The following NMT2 variants were observed in gnomAD, a reference collection of about 807,000 sequenced individuals.
NMT2 encodes N-myristoyltransferase 2.
In NMT2, 35 loss-of-function variants were observed where a neutral mutation model predicts 65.4. That is an observed-to-expected ratio of 0.54 (90% CI 0.41 to 0.71). NMT2 has a LOEUF of 0.71. Ranked by LOEUF, NMT2 falls within the 30% of genes least tolerant of loss-of-function variation. The probability of loss-of-function intolerance (pLI) is 0.00; values close to 1 mark genes in which losing one functional copy is unlikely to be tolerated. For missense variants in NMT2, 489 were observed against 611.3 expected (o/e 0.80, Z 2.11); for synonymous variants, 226 against 231.8 (o/e 0.98, Z 0.23).
chr10:15,126,686 C>T (rs920712975), intron 8 of NMT2, among the ~76,000 whole-genome samples: 2 of 152,298 alleles, frequency 1.3e-5, no homozygotes, highest in African/African-American at 2.4e-5. Context: ...ATGGATCCTT[C>T]CCTAGTCAAG....
intron 9 of NMT2, among the ~76,000 whole-genome samples, chr10:15,114,688 T>C (rs917503251): frequency 3.3e-5 from 5 of 152,146 alleles, no homozygotes; most frequent in Non-Finnish European, 7.4e-5. Flanking sequence ...GTAGTGAGTA[T>C]AGAAGATCCT....
At chr10:15,139,903 A>G (rs1207230097) in intron 2 of NMT2, 2 of 115,958 alleles carry the variant, frequency 1.7e-5, no homozygotes, top group African/African-American at 7.5e-5. Context: ...ATATATATAT[A>G]TATATATGCA....
At chr10:15,148,080 T>C (rs1847025839) in intron 1 of NMT2, among the ~76,000 whole-genome samples, 1 of 152,244 alleles carries the variant, frequency 6.6e-6, no homozygotes, top group African/African-American at 2.4e-5. Context: ...TGGCCAGGAC[T>C]GCAGGCATTA....
chr10:15,127,556 A>AAAAAT (rs1564568293), intron 8 of NMT2, among the ~76,000 whole-genome samples: 1 of 78,724 alleles, frequency 1.3e-5, no homozygotes, highest in African/African-American at 1.4e-4. Context: ...CAAAAAAAAA[A>AAAAAT]AAAAAAAAAA....
chr10:15,108,567 T>TA lies in NMT2; in HGVS notation c.*627dup, dbSNP rs1282437785. ...TCCACTGACCTGGTAAAGATCAAAGTACAAACTTGCATGTTTATTGATTCG... is the reference window on the plus strand; with the variant it reads ...TCCACTGACCTGGTAAAGATCAAAGTAACAAACTTGCATGTTTATTGATTCG... On this transcript the variant is annotated 3_prime_UTR_variant, in exon 12 of 12. Transcript: ENST00000378165. 7 of 985,970 alleles carry TA rather than the reference T, an allele frequency of 7.1e-6. No homozygotes were observed. The African/African-American group carries it at 1.2e-4, about 17-fold the overall frequency. The allele number at this position is 985,970 out of a possible 1,614,324, so 61.1% of individuals were successfully genotyped here. A position where few individuals can be genotyped will look rare whatever the true frequency, so the allele number is the denominator to read the frequency against.
intron 8 of NMT2, among the ~76,000 whole-genome samples, chr10:15,122,432 T>A (rs1845956176): frequency 1.3e-5 from 2 of 152,064 alleles, no homozygotes; most frequent in African/African-American, 4.8e-5. Flanking sequence ...TCTTTTTTTT[T>A]TTTGAGATGG....
At chr10:15,157,384 A>G (rs1016667035) in intron 1 of NMT2, among the ~76,000 whole-genome samples, 1 of 152,210 alleles carries the variant, frequency 6.6e-6, no homozygotes, top group Non-Finnish European at 1.5e-5. Context: ...GGCTGCAGCA[A>G]TGGGGTACAA....
intron 8 of NMT2, among the ~76,000 whole-genome samples, chr10:15,121,764 G>A (rs7896453): frequency 1.6e-3 from 239 of 152,290 alleles, no homozygotes; most frequent in African/African-American, 5.2e-3. Flanking sequence ...ATTGATTATC[G>A]ATTAGCTGGG....
intron 9 of NMT2, 120 bp downstream of exon 9, chr10:15,119,223 T>C: frequency 1.1e-6 from 1 of 870,652 alleles, no homozygotes; most frequent in South Asian, 1.6e-5. Flanking sequence ...TACCCTTTAG[T>C]ACACATCTTT....
chr10:15,124,993 C>T (rs1021610673), intron 8 of NMT2, among the ~76,000 whole-genome samples: 1 of 151,972 alleles, frequency 6.6e-6, no homozygotes, highest in Non-Finnish European at 1.5e-5. Flanking sequence ...GCCATGGTGT[C>T]CCCATAGTGG....
At chr10:15,167,777 G>C (rs774261013) in intron 1 of NMT2, among the ~76,000 whole-genome samples, 3 of 152,220 alleles carry the variant, frequency 2.0e-5, no homozygotes, top group Non-Finnish European at 4.4e-5. Flanking sequence ...GTGAAAATGC[G>C]TGGTGCATCG....
At chr10:15,152,080 T>C (rs960718619) in intron 1 of NMT2, among the ~76,000 whole-genome samples, 4 of 152,168 alleles carry the variant, frequency 2.6e-5, no homozygotes, top group Admixed American at 6.5e-5. Flanking sequence ...AGAAATGAGA[T>C]AGCTTGATCC....
intron 1 of NMT2, among the ~76,000 whole-genome samples, chr10:15,156,130 T>C (rs1832990219): frequency 6.6e-6 from 1 of 152,126 alleles, no homozygotes; most frequent in Non-Finnish European, 1.5e-5. Flanking sequence ...TTTGGGTGTG[T>C]CCCCATCCAA....
chr10:15,139,271 T>G (rs1846638153), intron 2 of NMT2, among the ~76,000 whole-genome samples: 2 of 151,142 alleles, frequency 1.3e-5, no homozygotes, highest in African/African-American at 4.9e-5. Context: ...TATCTATCTA[T>G]CTATCTATCT....
chr10:15,166,743 G>T (rs540833250), intron 1 of NMT2, among the ~76,000 whole-genome samples: 1 of 152,162 alleles, frequency 6.6e-6, no homozygotes, highest in Non-Finnish European at 1.5e-5. Flanking sequence ...AAAATGTGCT[G>T]ATATACAAAA....
intron 9 of NMT2, among the ~76,000 whole-genome samples, chr10:15,118,356 T>G (rs1377110191): frequency 2.0e-5 from 3 of 152,108 alleles, no homozygotes; most frequent in Non-Finnish European, 4.4e-5. Flanking sequence ...CTGACCAACA[T>G]GGTGAAACCC....
At chr10:15,138,719 A>G (rs1290344699) in intron 2 of NMT2, among the ~76,000 whole-genome samples, 1 of 152,234 alleles carries the variant, frequency 6.6e-6, no homozygotes, top group Non-Finnish European at 1.5e-5. Flanking sequence ...AATATTCTGC[A>G]ATGCAGTCCA....
At chr10:15,138,216 G>A (rs369114872) in intron 2 of NMT2, among the ~76,000 whole-genome samples, 45 of 151,932 alleles carry the variant, frequency 3.0e-4, no homozygotes, top group African/African-American at 1.0e-3. Context: ...TCACCATGTC[G>A]GCCAGCCTGG....
chr10:15,139,198 T>C (rs1259264563), intron 2 of NMT2, among the ~76,000 whole-genome samples: 1 of 152,190 alleles, frequency 6.6e-6, no homozygotes, highest in Non-Finnish European at 1.5e-5. Context: ...AGACTGCAGA[T>C]GGCCTATTGT....
Sources: gnomAD v4.1 joint callset for allele counts (sites outside exome capture counted in the v4.1 genomes callset) on GRCh38, gnomAD v4.1.1 for gene constraint, MANE v1.5 for transcripts, NCBI Gene and HGNC (gene_info 2026-07-23, HGNC 2026-07-21) for gene names.